Variants in POLR3B observed in about 807,000 individuals in gnomAD.
POLR3B encodes the protein DNA-directed RNA polymerase III subunit RPC2.
POLR3B carries 96 observed loss-of-function variants against 147.4 expected under a neutral mutation model. The ratio of observed to expected loss-of-function variants is 0.65; its 90% CI spans 0.55 to 0.77. POLR3B has a LOEUF of 0.77. Among genes scored for constraint, POLR3B ranks in the 30% least tolerant of loss-of-function variants. The probability of loss-of-function intolerance (pLI) is 0.00; values close to 1 mark genes in which losing one functional copy is unlikely to be tolerated. For synonymous variants in POLR3B, 461 were observed against 485.9 expected, an observed-to-expected ratio of 0.95 and a Z score of 0.67; for missense variants, 1,036 against 1,413.5, an observed-to-expected ratio of 0.73 and a Z score of 4.28.
chr12:106,412,736 T>C (rs1163420182), intron 12 of POLR3B, among the ~76,000 whole-genome samples: 2 of 152,240 alleles, frequency 1.3e-5, no homozygotes, highest in Admixed American at 6.5e-5. Flanking sequence ...TTATTGGCCA[T>C]TTGCAGGCAT....
intron 23 of POLR3B, among the ~76,000 whole-genome samples, chr12:106,484,327 G>A (rs548859833): frequency 3.3e-5 from 5 of 152,194 alleles, no homozygotes; most frequent in African/African-American, 7.2e-5. Flanking sequence ...AGATCATCTC[G>A]AGTGCCTATA....
chr12:106,497,125 TA>T (rs754516405), intron 25 of POLR3B, among the ~76,000 whole-genome samples: 44 of 147,890 alleles, frequency 3.0e-4, no homozygotes, highest in Non-Finnish European at 4.0e-4. Flanking sequence ...TTTCATGATT[TA>T]AAAAAAAAAA....
chr12:106,369,505 C>T, intron 5 of POLR3B, 78 bp from the exon 6 acceptor site: 2 of 1,031,060 alleles, frequency 1.9e-6, no homozygotes, highest in African/African-American at 3.1e-5. Flanking sequence ...AATTCTACTA[C>T]AGAAGGAGCA....
Position 106,454,547 on chromosome 12 carries a change from A to G in POLR3B, c.2129A>G (p.Tyr710Cys). 1 of 1,608,068 alleles carries G rather than the reference A, an allele frequency of 6.2e-7. No homozygotes were observed. Among genetic ancestry groups the G allele is most frequent in the Non-Finnish European group, 8.5e-7 (1 of 1,174,618 alleles). The change falls in exon 20 of 28, where the codon TAT (tyrosine) becomes TGT (cysteine). Residue 710 changes from tyrosine to cysteine, a missense_variant. Physicochemically the swap from Tyr to Cys is radical, Grantham distance 194. This residue lies in a region of POLR3B where 202 missense variants were observed against 272.8 expected (regional missense o/e 0.74). Transcript: ENST00000228347. The part of the protein sequence containing the change: ...NQRNRIDTLM[Y>C]LLAYPQKPMV... ...CGAAACAGAATTGATACTCTCATGT[A>G]TCTACTAGCATATCCACAAAAACCC...
chr12:106,480,563 C>T (rs2038252561), intron 23 of POLR3B, among the ~76,000 whole-genome samples: 1 of 152,200 alleles, frequency 6.6e-6, no homozygotes, highest in African/African-American at 2.4e-5. Flanking sequence ...AGCCCACCCT[C>T]TGCTGCGCTT....
chr12:106,366,702 T>G lies in POLR3B; in HGVS notation c.207T>G (p.Ala69=). 2 of 1,613,076 alleles carry G rather than the reference T, an allele frequency of 1.2e-6. No individual in the cohort carries two copies. Among genetic ancestry groups the G allele is most frequent in the Non-Finnish European group, 1.7e-6 (2 of 1,179,044 alleles). Residue 69 remains alanine, a synonymous_variant, in exon 4 of 28, where the codon GCT becomes GCG. Transcript: ENST00000228347. ...MKANEKVTSD[A]DPMWYLKYLN... ...CCAATGAAAAGGTTACAAGTGACGCTGACCCTATGTGGTACTTAAAGTAAG... is the reference window on the plus strand; with the variant it reads ...CCAATGAAAAGGTTACAAGTGACGCGGACCCTATGTGGTACTTAAAGTAAG...
At chr12:106,445,238 C>T (rs1255015267) in intron 19 of POLR3B, among the ~76,000 whole-genome samples, 1 of 152,126 alleles carries the variant, frequency 6.6e-6, no homozygotes, top group Non-Finnish European at 1.5e-5. Flanking sequence ...TGAGGCAGAG[C>T]CCTGTGCTCA....
intron 10 of POLR3B, among the ~76,000 whole-genome samples, chr12:106,396,994 T>C (rs1327497271): frequency 6.6e-6 from 1 of 151,928 alleles, no homozygotes; most frequent in Non-Finnish European, 1.5e-5. Context: ...TGGTGGCGTG[T>C]GCCTGTAGTT....
chr12:106,501,470 A>C, intron 26 of POLR3B, 34 bp downstream of exon 26: 5 of 1,227,954 alleles, frequency 4.1e-6, no homozygotes, highest in Non-Finnish European at 6.0e-6. Context: ...AGAATTGATA[A>C]TGCAGTCAAG....
chr12:106,482,243 C>A (rs2038277778), intron 23 of POLR3B, among the ~76,000 whole-genome samples: 1 of 152,086 alleles, frequency 6.6e-6, no homozygotes, highest in African/African-American at 2.4e-5. Flanking sequence ...TTCAAAGATA[C>A]CAATAGTTTT....
At chr12:106,446,417 C>CAAAAA (rs10654233) in intron 19 of POLR3B, 25 of 158,474 alleles carry the variant, frequency 1.6e-4, no homozygotes, top group South Asian at 3.8e-4. Flanking sequence ...CCTCTCCCCA[C>CAAAAA]AAAAAAAAAA....
rs114818797 is a variant in POLR3B, at chr12:106,367,975, C to T, written c.227+1253C>T. On this transcript the variant is annotated intron_variant, in intron 4 of 27. Transcript: ENST00000228347. The stretch of plus-strand genomic sequence containing the variant: ...ACTGGAATTCTGTACAGAATAGTTT[C>T]CTTTTCCCCTCACATATCTCTCTAT... Among the ~76,000 whole-genome samples, 832 of 152,134 alleles carry T rather than the reference C, an allele frequency of 5.5e-3. 3 individuals are homozygous for T. Among genetic ancestry groups the T allele is most frequent in the African/African-American group, 0.016 (644 of 41,516 alleles).
intron 1 of POLR3B, among the ~76,000 whole-genome samples, chr12:106,359,121 G>A (rs1359894543): frequency 2.6e-5 from 4 of 152,088 alleles, no homozygotes; most frequent in African/African-American, 7.2e-5. Context: ...AGGCTGAGGT[G>A]GAAGGATCAC....
intron 9 of POLR3B, among the ~76,000 whole-genome samples, chr12:106,386,141 T>C (rs762816281): frequency 6.6e-6 from 1 of 151,116 alleles, no homozygotes; most frequent in Non-Finnish European, 1.5e-5. Context: ...AGGTCAGGAG[T>C]TTGAGACCAG....
At chr12:106,373,093 C>G (rs2036632778) in intron 6 of POLR3B, among the ~76,000 whole-genome samples, 1 of 152,158 alleles carries the variant, frequency 6.6e-6, no homozygotes, top group South Asian at 2.1e-4. Context: ...CTGTGTATTT[C>G]CTTCAGATCA....
At chr12:106,435,858 A>G (rs1022080145) in intron 16 of POLR3B, among the ~76,000 whole-genome samples, 2 of 152,222 alleles carry the variant, frequency 1.3e-5, no homozygotes, top group Non-Finnish European at 2.9e-5. Context: ...ACTCTTTTAT[A>G]GAAGCAACTT....
chr12:106,493,829 TTC>T (rs2038437942), intron 23 of POLR3B, among the ~76,000 whole-genome samples: 1 of 152,200 alleles, frequency 6.6e-6, no homozygotes, highest in African/African-American at 2.4e-5. Flanking sequence ...ATCATTCACT[TTC>T]ACACAAAACA....
intron 19 of POLR3B, among the ~76,000 whole-genome samples, chr12:106,451,854 C>T (rs570591283): frequency 2.0e-5 from 3 of 152,114 alleles, no homozygotes; most frequent in African/African-American, 7.2e-5. Context: ...CAGCTTGTGA[C>T]TTAAGAAAGT....
intron 9 of POLR3B, among the ~76,000 whole-genome samples, chr12:106,389,498 C>T (rs1042642342): frequency 6.6e-6 from 1 of 152,130 alleles, no homozygotes; most frequent in African/African-American, 2.4e-5. Flanking sequence ...ATCAAGACAA[C>T]TTGAAGTGGC....
Sources: allele counts gnomAD v4.1 joint callset (sites outside exome capture counted in the v4.1 genomes callset), GRCh38; gene constraint gnomAD v4.1.1; regional missense constraint gnomAD v4.1.1; transcripts MANE v1.5; gene names NCBI Gene and HGNC (gene_info 2026-07-23, HGNC 2026-07-21).